Variants in LUZP2 observed in about 807,000 individuals in gnomAD.
The protein encoded by LUZP2 is leucine zipper protein 2.
A neutral mutation model predicts 51.6 loss-of-function variants in LUZP2; 52 were observed. The ratio of observed to expected loss-of-function variants is 1.01; its 90% CI spans 0.81 to 1.27. The LOEUF (loss-of-function observed/expected upper bound fraction) is 1.27, where lower values mean the gene tolerates loss of function less well. Among genes scored for constraint, LUZP2 ranks in the 50% most tolerant of loss-of-function variants. The pLI is 0.00. For missense variants in LUZP2, 436 were observed against 395.4 expected, an observed-to-expected ratio of 1.10 and a Z score of -0.87; for synonymous variants, 154 against 137.3, an observed-to-expected ratio of 1.12 and a Z score of -0.85.
Position 25,079,657 on chromosome 11 carries a change from AT to A in LUZP2, c.*1001del. On this transcript the variant is annotated 3_prime_UTR_variant, in exon 12 of 12. Transcript: ENST00000336930. ...AATCAAAAAAATGCACTCATGAATA[AT>A]TGGAAGATAGCTCACAAGCAAGAGG... 1 of 152,170 alleles carries A rather than the reference AT, an allele frequency of 6.6e-6. No individual in the cohort carries two copies. The highest frequency in any genetic ancestry group is 2.4e-5 in the African/African-American group (1 of 41,454). The allele number at this position is 152,170 out of a possible 1,614,324, so 9.4% of individuals were successfully genotyped here.
rs569357285 is a variant in LUZP2 at position 24,931,203 on chromosome 11, C to A, written c.522+16665C>A. Among the ~76,000 whole-genome samples the A allele has an allele frequency of 2.4e-3, 354 of 146,626 alleles. 3 individuals carry two copies. The highest frequency in any genetic ancestry group is 8.7e-3 in the African/African-American group (341 of 39,022). ...TCCAGTCTGATGACAGAGTGAGACT[C>A]TGTCTCAAAATAAAATAAAATAAAA... On this transcript the variant is annotated intron_variant, in intron 7 of 11. Coordinates refer to ENST00000336930, the MANE Select transcript of LUZP2 (RefSeq NM_001009909.4).
intron 5 of LUZP2, among the ~76,000 whole-genome samples, chr11:24,774,216 A>G (rs1848836676): frequency 6.6e-6 from 1 of 151,408 alleles, no homozygotes; most frequent in African/African-American, 2.4e-5. Flanking sequence ...GCGCTCGAAC[A>G]TTAGACTTCA....
intron 7 of LUZP2, among the ~76,000 whole-genome samples, chr11:24,959,298 A>T (rs1189166525): frequency 1.3e-5 from 2 of 152,098 alleles, no homozygotes; most frequent in Non-Finnish European, 2.9e-5. Flanking sequence ...GAAGAAAGTC[A>T]TTGGTAGCTT....
At chr11:24,810,687 G>C (rs1849992683) in intron 5 of LUZP2, among the ~76,000 whole-genome samples, 1 of 152,020 alleles carries the variant, frequency 6.6e-6, no homozygotes, top group Non-Finnish European at 1.5e-5. Context: ...AAATAAAGCA[G>C]GGAACAAGGA....
Position 25,078,600 on chromosome 11 carries a change from C to T in LUZP2, c.983C>T (p.Pro328Leu), listed in dbSNP as rs868695528. 1.2e-6 allele frequency: 2 copies of T among 1,612,120 alleles called. No individual in the cohort carries two copies. The highest frequency in any genetic ancestry group is 2.2e-5 in the South Asian group (2 of 90,678). ...PCSECEVKKA[P>L]EKPLTSFEGM... ...TCTGAATGTGAGGTGAAAAAAGCCC[C>T]AGAAAAACCATTGACCAGCTTTGAA... The change falls in exon 12 of 12, where the codon CCA becomes CTA. Residue 328 changes from proline to leucine, a missense_variant. Pro to Leu is a moderately conservative substitution (Grantham distance 98). Transcript: ENST00000336930.
At chr11:24,784,041 A>G (rs778602309) in intron 5 of LUZP2, among the ~76,000 whole-genome samples, 8 of 151,926 alleles carry the variant, frequency 5.3e-5, no homozygotes, top group Non-Finnish European at 8.8e-5. Context: ...GCGTGGCTTC[A>G]TTAAATACAC....
At chr11:24,587,027 A>ATTTTTTACATCCTCT (rs1853089024) in intron 1 of LUZP2, among the ~76,000 whole-genome samples, 2 of 152,104 alleles carry the variant, frequency 1.3e-5, no homozygotes, top group Non-Finnish European at 2.9e-5. Context: ...ATTGCTAGGG[A>ATTTTTTACATCCTCT]GATTTTCCTC....
chr11:24,658,750 A>G (rs909145493), intron 1 of LUZP2, among the ~76,000 whole-genome samples: 1 of 152,226 alleles, frequency 6.6e-6, no homozygotes, highest in East Asian at 1.9e-4. Context: ...CCCATCAAAA[A>G]GTCAATGAAG....
At chr11:24,765,061 CA>C in intron 5 of LUZP2, among the ~76,000 whole-genome samples, 1 of 151,856 alleles carries the variant, frequency 6.6e-6, no homozygotes. Context: ...AATTGATAAC[CA>C]AAAAAGCTTT....
At chr11:24,594,725 G>C (rs1029241127) in intron 1 of LUZP2, among the ~76,000 whole-genome samples, 3 of 148,416 alleles carry the variant, frequency 2.0e-5, no homozygotes, top group Non-Finnish European at 4.5e-5. Context: ...TAGAAAATTG[G>C]CATTCAATAT....
chr11:24,699,573 G>A (rs1025261458), intron 1 of LUZP2, among the ~76,000 whole-genome samples: 5 of 151,668 alleles, frequency 3.3e-5, no homozygotes, highest in Admixed American at 6.6e-5. Context: ...TTTTTGGGGG[G>A]ACATGGTAAG....
rs374966651 is a variant in LUZP2, at chr11:25,023,687, G to A, written c.766-26351G>A. On this transcript the variant is annotated intron_variant, in intron 9 of 11. Coordinates refer to ENST00000336930, the MANE Select transcript of LUZP2 (RefSeq NM_001009909.4). Reference sequence around the variant, plus strand: ...TTGCCTTCTGCTAGCTTTTGAATGTGTTTGCTCTTGCTTCTCTAGTTATTT... The same window carrying A: ...TTGCCTTCTGCTAGCTTTTGAATGTATTTGCTCTTGCTTCTCTAGTTATTT... Among the ~76,000 whole-genome samples, 48 of 152,166 alleles carry A rather than the reference G, an allele frequency of 3.2e-4. 1 individual carries two copies. In the East Asian group the frequency reaches 8.5e-3, roughly 27 times the overall value.
chr11:24,508,013 G>A (rs1311494875), intron 1 of LUZP2, among the ~76,000 whole-genome samples: 1 of 151,228 alleles, frequency 6.6e-6, no homozygotes, highest in Non-Finnish European at 1.5e-5. Flanking sequence ...TAAATGAATA[G>A]TACTTAGCAA....
At chr11:24,657,164 A>C (rs1317273453) in intron 1 of LUZP2, among the ~76,000 whole-genome samples, 1 of 152,202 alleles carries the variant, frequency 6.6e-6, no homozygotes, top group Non-Finnish European at 1.5e-5. Flanking sequence ...AGGCTATTGT[A>C]GTAGTCATGT....
At chr11:24,769,596 C>T (rs936157304) in intron 5 of LUZP2, among the ~76,000 whole-genome samples, 3 of 151,500 alleles carry the variant, frequency 2.0e-5, no homozygotes, top group African/African-American at 7.3e-5. Flanking sequence ...AAAACACATT[C>T]TGTCTTGAAT....
At chr11:24,656,444 T>C (rs779436042) in intron 1 of LUZP2, among the ~76,000 whole-genome samples, 16 of 152,206 alleles carry the variant, frequency 1.1e-4, no homozygotes, top group Non-Finnish European at 2.2e-4. Context: ...CTATTGCTTC[T>C]GTAACAAATT....
At chr11:24,670,846 C>T (rs1224804144) in intron 1 of LUZP2, among the ~76,000 whole-genome samples, 2 of 151,780 alleles carry the variant, frequency 1.3e-5, no homozygotes, top group Non-Finnish European at 2.9e-5. Context: ...GGATTCCTGA[C>T]AAAATAATCC....
At chr11:24,760,234 G>T (rs1859932582) in intron 4 of LUZP2, among the ~76,000 whole-genome samples, 1 of 152,128 alleles carries the variant, frequency 6.6e-6, no homozygotes, top group African/African-American at 2.4e-5. Flanking sequence ...TGCAGATAAA[G>T]CCTCCAGGTA....
intron 5 of LUZP2, among the ~76,000 whole-genome samples, chr11:24,842,277 A>C (rs1851058775): frequency 6.7e-6 from 1 of 149,202 alleles, no homozygotes; most frequent in Non-Finnish European, 1.5e-5. Flanking sequence ...ATAATACATA[A>C]TATATAATTT....
Sources: gnomAD v4.1 joint callset for allele counts (sites outside exome capture counted in the v4.1 genomes callset) on GRCh38, gnomAD v4.1.1 for gene constraint, MANE v1.5 for transcripts, NCBI Gene and HGNC (gene_info 2026-07-23, HGNC 2026-07-21) for gene names.